Variants in BMPR1B observed in about 807,000 individuals in gnomAD.
BMPR1B encodes the protein bone morphogenetic protein receptor type 1B.
In BMPR1B, 12 loss-of-function variants were observed where a neutral mutation model predicts 59.1. The observed-to-expected ratio is 0.20, with a 90% CI of 0.13 to 0.33. The LOEUF (loss-of-function observed/expected upper bound fraction) is 0.33, where lower values mean the gene tolerates loss of function less well. BMPR1B is among the 10% of genes least tolerant of loss of function. The pLI is 1.00. For missense variants in BMPR1B, 550 were observed against 610.9 expected, an observed-to-expected ratio of 0.90 and a Z score of 1.05; for synonymous variants, 237 against 207.3, an observed-to-expected ratio of 1.14 and a Z score of -1.23.
intron 2 of BMPR1B, among the ~76,000 whole-genome samples, chr4:94,965,250 G>C (rs569953430): frequency 6.6e-6 from 1 of 152,054 alleles, no homozygotes; most frequent in Non-Finnish European, 1.5e-5. Flanking sequence ...TTGGAACACT[G>C]TACATAGTAT....
intron 2 of BMPR1B, among the ~76,000 whole-genome samples, chr4:94,890,110 C>T (rs1727332423): frequency 6.6e-6 from 1 of 152,008 alleles, no homozygotes; most frequent in Non-Finnish European, 1.5e-5. Flanking sequence ...TTTGCCAAGC[C>T]TACAGTTAAT....
At chr4:94,951,841 C>A (rs555470300) in intron 2 of BMPR1B, among the ~76,000 whole-genome samples, 27 of 152,136 alleles carry the variant, frequency 1.8e-4, no homozygotes, top group Non-Finnish European at 3.2e-4. Flanking sequence ...GGTACCAGCT[C>A]TTCTTTTTAC....
chr4:94,820,889 A>C (rs1233840618), intron 1 of BMPR1B, among the ~76,000 whole-genome samples: 3 of 152,214 alleles, frequency 2.0e-5, no homozygotes, highest in Non-Finnish European at 2.9e-5. Flanking sequence ...AGTTTTCAGA[A>C]ATATGGTATT....
rs911866039 is a variant in BMPR1B at position 95,125,072 on chromosome 4, T to C, written c.536T>C (p.Leu179Ser). 2.1e-5 allele frequency: 34 copies of C among 1,613,800 alleles called. No homozygotes were observed. Among genetic ancestry groups the C allele is most frequent in the Non-Finnish European group, 2.7e-5 (32 of 1,179,782 alleles). ...YIPPGESLRD[L>S]IEQSQSSGSG... ...CCTCCTGGAGAATCCCTGAGAGACT[T>C]AATTGAGCAGTCTCAGAGCTCAGGA... The change falls in exon 8 of 13, where the codon TTA becomes TCA. Residue 179 changes from leucine (L) to serine (S), a missense_variant. Leu to Ser is a moderately radical substitution (Grantham distance 145, BLOSUM62 -2). Around this residue, in one of 6 missense-constraint regions of BMPR1B, gnomAD observed 318 missense variants for 284.6 expected, o/e 1.12. Coordinates refer to ENST00000515059, the MANE Select transcript of BMPR1B (RefSeq NM_001203.3).
chr4:94,762,310 ATAAGAT>A (rs1398057768), intron 1 of BMPR1B, among the ~76,000 whole-genome samples: 2 of 152,224 alleles, frequency 1.3e-5, no homozygotes, highest in African/African-American at 2.4e-5. Context: ...AAACACATGA[ATAAGAT>A]TATTTCCAAT....
At chr4:95,147,815 T>C (rs1734751875) in intron 10 of BMPR1B, among the ~76,000 whole-genome samples, 1 of 152,160 alleles carries the variant, frequency 6.6e-6, no homozygotes, top group African/African-American at 2.4e-5. Flanking sequence ...CTTGTACATG[T>C]CATCTCATTT....
intron 3 of BMPR1B, among the ~76,000 whole-genome samples, chr4:95,003,726 A>G (rs1722615232): frequency 6.6e-6 from 1 of 152,016 alleles, no homozygotes; most frequent in South Asian, 2.1e-4. Context: ...CCCAAAATGT[A>G]AAGTAACATG....
At chr4:95,018,448 A>G (rs190529512) in intron 3 of BMPR1B, among the ~76,000 whole-genome samples, 168 of 152,318 alleles carry the variant, frequency 1.1e-3, no homozygotes, top group African/African-American at 3.8e-3. Flanking sequence ...TAGCCCATAA[A>G]GTGCTATTTA....
At chr4:94,975,163 A>G (rs1392241577) in intron 2 of BMPR1B, among the ~76,000 whole-genome samples, 1 of 152,078 alleles carries the variant, frequency 6.6e-6, no homozygotes, top group South Asian at 2.1e-4. Context: ...TAGGAGGGGC[A>G]TGTGTCCTCA....
chr4:94,821,033 A>T (rs1376369452), intron 1 of BMPR1B, among the ~76,000 whole-genome samples: 1 of 152,230 alleles, frequency 6.6e-6, no homozygotes, highest in Non-Finnish European at 1.5e-5. Flanking sequence ...GAATCTGTTT[A>T]TAAACTGGAA....
rs1298890159 is a variant in BMPR1B at position 94,794,499 on chromosome 4, C to T, written c.-183+36431C>T. Among the ~76,000 whole-genome samples, 69 of 137,984 alleles carry T rather than the reference C, an allele frequency of 5.0e-4. 1 individual carries two copies. The South Asian group carries it at 0.011, about 23-fold the overall frequency. The allele number at this position is 137,984 out of a possible 152,430, so 90.5% of individuals were successfully genotyped here. A position where few individuals can be genotyped will look rare whatever the true frequency, so the allele number is the denominator to read the frequency against. The stretch of plus-strand genomic sequence containing the variant: ...TTGGCTTAGGATTGACTTGGCGATG[C>T]GGGCTCTTTTTTGGTTCCATATGAA... On this transcript the variant is annotated intron_variant, in intron 1 of 12. Coordinates refer to ENST00000515059, the MANE Select transcript of BMPR1B (RefSeq NM_001203.3).
chr4:94,833,701 A>G (rs995807983), intron 1 of BMPR1B, among the ~76,000 whole-genome samples: 4 of 152,228 alleles, frequency 2.6e-5, no homozygotes, highest in Non-Finnish European at 4.4e-5. Context: ...AAGGATGATA[A>G]TACAACTGGG....
chr4:95,042,200 A>G (rs1725707617), intron 3 of BMPR1B, among the ~76,000 whole-genome samples: 1 of 152,144 alleles, frequency 6.6e-6, no homozygotes, highest in Non-Finnish European at 1.5e-5. Flanking sequence ...TAAGTGGAAA[A>G]TTCTACACCT....
intron 3 of BMPR1B, among the ~76,000 whole-genome samples, chr4:95,090,218 A>G (rs1041137733): frequency 9.2e-5 from 14 of 152,004 alleles, no homozygotes; most frequent in African/African-American, 3.4e-4. Flanking sequence ...GTAGGGAATT[A>G]GTATATAAAC....
intron 1 of BMPR1B, among the ~76,000 whole-genome samples, chr4:94,781,022 C>T (rs1285192488): frequency 6.6e-6 from 1 of 152,034 alleles, no homozygotes; most frequent in East Asian, 1.9e-4. Flanking sequence ...CTATTGTAGT[C>T]AGAATGAAGT....
chr4:94,838,964 T>C (rs1277880917), intron 1 of BMPR1B, among the ~76,000 whole-genome samples: 1 of 134,324 alleles, frequency 7.4e-6, no homozygotes, highest in African/African-American at 2.8e-5. Context: ...GTTGTGTCTT[T>C]GTTCTCATTG....
At chr4:94,952,167 G>A (rs890548996) in intron 2 of BMPR1B, among the ~76,000 whole-genome samples, 1 of 151,750 alleles carries the variant, frequency 6.6e-6, no homozygotes, top group Non-Finnish European at 1.5e-5. Flanking sequence ...TTATTAGTCT[G>A]GCTAGCAGTC....
At chr4:94,869,131 C>G (rs1726378013) in intron 1 of BMPR1B, among the ~76,000 whole-genome samples, 1 of 135,494 alleles carries the variant, frequency 7.4e-6, no homozygotes, top group African/African-American at 2.8e-5. Context: ...CACACACACA[C>G]ACACACACAC....
chr4:95,078,335 T>C (rs1272879964), intron 3 of BMPR1B, among the ~76,000 whole-genome samples: 2 of 152,222 alleles, frequency 1.3e-5, no homozygotes, highest in African/African-American at 4.8e-5. Flanking sequence ...GCTTTATCTA[T>C]ATGCAGTTGC....
Sources: gnomAD v4.1 joint callset for allele counts (sites outside exome capture counted in the v4.1 genomes callset) on GRCh38, gnomAD v4.1.1 for gene constraint, gnomAD v4.1.1 regional missense constraint, MANE v1.5 for transcripts, NCBI Gene and HGNC (gene_info 2026-07-23, HGNC 2026-07-21) for gene names.